The following CTSH variants were observed in gnomAD, a reference collection of about 807,000 sequenced individuals.
CTSH encodes pro-cathepsin H.
Under a neutral mutation model 56.3 loss-of-function variants are expected in CTSH, and 52 were observed. The ratio of observed to expected loss-of-function variants is 0.92; its 90% confidence interval spans 0.74 to 1.16. The LOEUF is 1.16. Among genes scored for constraint, CTSH ranks in the 50% most tolerant of loss-of-function variants. The probability of loss-of-function intolerance (pLI) is 0.00; values close to 1 mark genes in which losing one functional copy is unlikely to be tolerated. For synonymous variants in CTSH, 174 were observed against 155.7 expected (o/e 1.12, Z -0.88); for missense variants, 406 against 424.5 (o/e 0.96, Z 0.38).
Position 78,939,190 on chromosome 15 carries a change from A to AC in CTSH, c.92-20_92-19insG. 6.3e-7 allele frequency: 1 copy of AC among 1,591,786 alleles called. No homozygotes were observed. The highest frequency in any genetic ancestry group is 8.5e-7 in the Non-Finnish European group (1 of 1,169,672). Reference sequence around the variant, plus strand: ...AACTTCTCTGTAAAAAGAAAAAAAAAATTAGGTCTGGGCGCATCACAGTAA... The same window carrying AC: ...AACTTCTCTGTAAAAAGAAAAAAAAACATTAGGTCTGGGCGCATCACAGTAA... On this transcript the variant is annotated intron_variant, in intron 1 of 11. Transcript: ENST00000220166.
At chr15:78,943,728 A>G (rs2055339472) in intron 1 of CTSH, among the ~76,000 whole-genome samples, 1 of 152,194 alleles carries the variant, frequency 6.6e-6, no homozygotes, top group Non-Finnish European at 1.5e-5. Context: ...ACCATGGCAG[A>G]GTTAGTAGTT....
At chr15:78,924,105 G>T (rs1390757901) in intron 10 of CTSH, among the ~76,000 whole-genome samples, 14 of 135,492 alleles carry the variant, frequency 1.0e-4, no homozygotes, top group South Asian at 5.9e-4. Flanking sequence ...GCGGGGGGGG[G>T]GGGGAGGGTG....
At chr15:78,931,384 CTG>C in intron 7 of CTSH, 65 bp downstream of exon 7, 3 of 1,603,578 alleles carry the variant, frequency 1.9e-6, no homozygotes, top group Non-Finnish European at 2.6e-6. Context: ...CCAGCACACA[CTG>C]GATCCTGTCG....
At chr15:78,928,435 G>A (rs575919201) in intron 8 of CTSH, among the ~76,000 whole-genome samples, 2 of 151,288 alleles carry the variant, frequency 1.3e-5, no homozygotes, top group African/African-American at 2.4e-5. Context: ...GCGTGGTGGC[G>A]GGTGCCTGTA....
chr15:78,937,080 G>C (rs1390132536), intron 3 of CTSH: 4 of 510,660 alleles, frequency 7.8e-6, no homozygotes, highest in Non-Finnish European at 1.4e-5. Context: ...TGGGGCAGGG[G>C]CTTCTACAGA....
intron 1 of CTSH, 97 bp downstream of exon 1, chr15:78,944,794 C>T (rs1596295686): frequency 2.1e-6 from 3 of 1,439,234 alleles, no homozygotes; most frequent in East Asian, 5.8e-5. Flanking sequence ...AAGCTCTGCC[C>T]CGTTCCTCCG....
At chr15:78,943,841 G>A (rs1349904223) in intron 1 of CTSH, among the ~76,000 whole-genome samples, 1 of 152,380 alleles carries the variant, frequency 6.6e-6, no homozygotes, top group East Asian at 1.9e-4. Context: ...CTCAGCGCCA[G>A]CCTTCTCCAG....
chr15:78,922,633 G>A (rs1195435819), intron 11 of CTSH, among the ~76,000 whole-genome samples: 1 of 152,228 alleles, frequency 6.6e-6, no homozygotes, highest in Non-Finnish European at 1.5e-5. Flanking sequence ...AGGAGGGGCT[G>A]TCAGTGATCA....
intron 11 of CTSH, 24 bp from the exon 12 acceptor site, chr15:78,922,229 CCCGG>C (rs1567341393): frequency 6.4e-7 from 1 of 1,557,394 alleles, no homozygotes; most frequent in South Asian, 1.2e-5. Context: ...GGAGCTGAGG[CCCGG>C]CCGGCGGTCT....
intron 7 of CTSH, among the ~76,000 whole-genome samples, chr15:78,930,406 A>G (rs1293514197): frequency 6.6e-6 from 1 of 152,154 alleles, no homozygotes; most frequent in Non-Finnish European, 1.5e-5. Context: ...GCACGCCTGT[A>G]ATCCCAGCTC....
At chr15:78,926,838 G>A (rs3784538) in intron 9 of CTSH, 15,331 of 152,158 alleles carry the variant, frequency 0.1, 843 homozygotes, top group East Asian at 0.26. Context: ...GGTCTAGAGG[G>A]GATAGTGCGT....
chr15:78,941,710 G>C (rs906839219), intron 1 of CTSH, among the ~76,000 whole-genome samples: 1 of 149,386 alleles, frequency 6.7e-6, no homozygotes, highest in African/African-American at 2.5e-5. Flanking sequence ...GCAGGAGAAT[G>C]GCGTGAACCC....
At chr15:78,932,600 C>T (rs1221897910) in intron 5 of CTSH, 142 bp from the exon 6 acceptor site, 2 of 633,180 alleles carry the variant, frequency 3.2e-6, no homozygotes, top group African/African-American at 3.7e-5. Context: ...TGTTCCAGAT[C>T]CATTCATTCT....
intron 8 of CTSH, among the ~76,000 whole-genome samples, chr15:78,928,063 G>A (rs1439083854): frequency 1.3e-5 from 2 of 152,222 alleles, no homozygotes; most frequent in Non-Finnish European, 2.9e-5. Flanking sequence ...AGTGGAGGCC[G>A]AGTCAGAGCC....
intron 11 of CTSH, among the ~76,000 whole-genome samples, chr15:78,922,738 C>T (rs1354260465): frequency 6.6e-6 from 1 of 152,224 alleles, no homozygotes; most frequent in African/African-American, 2.4e-5. Flanking sequence ...GTTTTCCTAG[C>T]AGTCCTTCTG....
chr15:78,927,736 T>G lies in CTSH; in HGVS notation c.676A>C (p.Lys226Gln). 1 of 1,614,164 alleles carries G rather than the reference T, an allele frequency of 6.2e-7. No individual in the cohort carries two copies. Among genetic ancestry groups the G allele is most frequent in the Non-Finnish European group, 8.5e-7 (1 of 1,180,028 alleles). The change falls in exon 9 of 12, where the codon AAG (lysine) becomes CAG (glutamine). Residue 226 changes from lysine (K) to glutamine (Q), a missense_variant. Transcript: ENST00000220166. ...FQPGKAIGFVKDVANITIYDE... is the reference protein window; with the variant it reads ...FQPGKAIGFVQDVANITIYDE... ...ACGATTGTGATGTTGGCTACATCCT[T>G]GACAAAGCCGATGGCCTTTCCAGGT...
At position 78,925,376 on chromosome 15, in the gene CTSH, A is replaced by C. The variant is rs1234315643; in HGVS notation, c.764T>G (p.Val255Gly). ...TCTATACATCATGAAGTCCTGAGTC[A>C]CCTCAAAGGCAAAGCTCACAGGGTT... is the stretch of plus-strand genomic sequence containing the variant. ...LYNPVSFAFE[V>G]TQDFMMYRTG... The change falls in exon 10 of 12, where the codon GTG becomes GGG. Residue 255 changes from valine to glycine, a missense_variant. Coordinates refer to ENST00000220166, the MANE Select transcript of CTSH (RefSeq NM_004390.5). 2.5e-6 allele frequency: 4 copies of C among 1,613,748 alleles called. No homozygotes were observed. Among genetic ancestry groups the C allele is most frequent in the Non-Finnish European group, 3.4e-6 (4 of 1,179,766 alleles).
At chr15:78,941,783 G>GCA (rs2055299896) in intron 1 of CTSH, among the ~76,000 whole-genome samples, 1 of 134,930 alleles carries the variant, frequency 7.4e-6, no homozygotes, top group Non-Finnish European at 1.6e-5. Flanking sequence ...GCGACAGAAT[G>GCA]AGACTCCGTC....
Position 78,929,454 on chromosome 15 carries a change from G to C in CTSH, c.588C>G (p.Asn196Lys). 1 of 1,612,618 alleles carries C rather than the reference G, an allele frequency of 6.2e-7. No individual in the cohort carries two copies. ...AGGTGTCTTCACCCATGATCCCCTT[G>C]TTGTACAGGATATACTCGAAAGCCT... The part of the protein sequence containing the change: ...PSQAFEYILY[N>K]KGIMGEDTYP... The change falls in exon 8 of 12, where the codon AAC becomes AAG. Residue 196 changes from asparagine (N) to lysine (K), a missense_variant. Physicochemically the swap from Asn to Lys is moderately conservative, Grantham distance 94 (BLOSUM62 0). Coordinates refer to ENST00000220166, the MANE Select transcript of CTSH (RefSeq NM_004390.5).
Sources: allele counts gnomAD v4.1 joint callset (sites outside exome capture counted in the v4.1 genomes callset), GRCh38; gene constraint gnomAD v4.1.1; transcripts MANE v1.5; gene names NCBI Gene and HGNC (gene_info 2026-07-23, HGNC 2026-07-21).